Variants in CFAP54 observed in about 807,000 individuals in gnomAD.
CFAP54 encodes the protein cilia- and flagella-associated protein 54.
Under a neutral mutation model 370.4 loss-of-function variants are expected in CFAP54, and 290 were observed. The observed-to-expected ratio is 0.78, with a 90% CI of 0.71 to 0.86. The LOEUF (loss-of-function observed/expected upper bound fraction) is 0.86. Ranked by LOEUF, CFAP54 falls within the 40% of genes least tolerant of loss-of-function variation. The pLI is 0.00. For missense variants in CFAP54, 3,399 were observed against 3,528.7 expected (o/e 0.96, Z 0.93); for synonymous variants, 1,206 against 1,236.5 (o/e 0.98, Z 0.52).
At chr12:96,860,544 G>A (rs1031766775) in intron 66 of CFAP54, among the ~76,000 whole-genome samples, 1 of 152,174 alleles carries the variant, frequency 6.6e-6, no homozygotes, top group Non-Finnish European at 1.5e-5. Flanking sequence ...TTTATTAGGA[G>A]AAGGGCCAAA....
At chr12:96,607,551 T>C (rs1002023524) in intron 26 of CFAP54, among the ~76,000 whole-genome samples, 3 of 152,076 alleles carry the variant, frequency 2.0e-5, no homozygotes, top group African/African-American at 7.2e-5. Flanking sequence ...CTAGAGGTGG[T>C]AAATGAATTC....
chr12:96,535,048 GTGTGTT>G (rs1205171025), intron 11 of CFAP54, among the ~76,000 whole-genome samples: 3 of 138,726 alleles, frequency 2.2e-5, no homozygotes, highest in African/African-American at 8.3e-5. Flanking sequence ...GTGTGTGTGT[GTGTGTT>G]TATTTATTTA....
chr12:96,665,227 G>A (rs1957066276), intron 39 of CFAP54, among the ~76,000 whole-genome samples: 1 of 151,922 alleles, frequency 6.6e-6, no homozygotes, highest in South Asian at 2.1e-4. Context: ...ACCTTTGTTG[G>A]ATGCATAGTT....
intron 63 of CFAP54, among the ~76,000 whole-genome samples, chr12:96,796,182 T>A (rs1395853573): frequency 6.6e-6 from 1 of 152,214 alleles, no homozygotes; most frequent in Non-Finnish European, 1.5e-5. Context: ...AGAGGGTCAG[T>A]GGATTCTCTC....
intron 66 of CFAP54, among the ~76,000 whole-genome samples, chr12:96,834,443 A>C (rs1959179770): frequency 6.6e-6 from 1 of 152,248 alleles, no homozygotes; most frequent in Admixed American, 6.5e-5. Context: ...GGTGTGGAGC[A>C]GCAAGGATTG....
At chr12:96,528,692 CA>C (rs1163393656) in intron 9 of CFAP54, among the ~76,000 whole-genome samples, 1 of 152,106 alleles carries the variant, frequency 6.6e-6, no homozygotes, top group Non-Finnish European at 1.5e-5. Flanking sequence ...TCAATTTCAC[CA>C]GGGGTCCACC....
At chr12:96,530,228 GC>G (rs1955427176) in intron 9 of CFAP54, among the ~76,000 whole-genome samples, 1 of 152,200 alleles carries the variant, frequency 6.6e-6, no homozygotes, top group African/African-American at 2.4e-5. Flanking sequence ...CATGGCTCAT[GC>G]CTGTAACCCC....
intron 67 of CFAP54, among the ~76,000 whole-genome samples, chr12:96,873,795 T>C (rs1334267136): frequency 2.0e-5 from 3 of 152,170 alleles, no homozygotes; most frequent in Admixed American, 2.0e-4. Context: ...CCATGAAATA[T>C]TATTATTTGT....
intron 50 of CFAP54, among the ~76,000 whole-genome samples, chr12:96,733,136 A>C (rs1440319172): frequency 2.0e-5 from 3 of 152,250 alleles, no homozygotes; most frequent in African/African-American, 7.2e-5. Flanking sequence ...CCTATTTTAA[A>C]TACACGAACC....
chr12:96,756,002 G>A (rs1412796001), intron 56 of CFAP54, among the ~76,000 whole-genome samples: 1 of 152,126 alleles, frequency 6.6e-6, no homozygotes, highest in Non-Finnish European at 1.5e-5. Flanking sequence ...CTGTCGAAGG[G>A]TACTTAGATT....
At chr12:96,563,882 T>C (rs2136410165) in intron 17 of CFAP54, among the ~76,000 whole-genome samples, 1 of 152,324 alleles carries the variant, frequency 6.6e-6, no homozygotes, top group East Asian at 1.9e-4. Flanking sequence ...TATCCTTTTT[T>C]CCCCTCATCC....
At chr12:96,636,242 C>A (rs1956663343) in intron 32 of CFAP54, among the ~76,000 whole-genome samples, 1 of 152,156 alleles carries the variant, frequency 6.6e-6, no homozygotes, top group Non-Finnish European at 1.5e-5. Context: ...TTTTATTATA[C>A]CACACCATCC....
chr12:96,658,141 A>C, intron 37 of CFAP54, 36 bp downstream of exon 37: 2 of 1,571,870 alleles, frequency 1.3e-6, no homozygotes, highest in East Asian at 2.2e-5. Flanking sequence ...AAAGTAGAAG[A>C]CTTCATTGAA....
At chr12:96,611,760 T>C (rs767711192) in intron 26 of CFAP54, among the ~76,000 whole-genome samples, 1 of 152,188 alleles carries the variant, frequency 6.6e-6, no homozygotes, top group Non-Finnish European at 1.5e-5. Context: ...AGTAGTCGAT[T>C]TGATCAACTG....
chr12:96,605,043 C>T (rs897841156), intron 26 of CFAP54, among the ~76,000 whole-genome samples: 29 of 152,218 alleles, frequency 1.9e-4, no homozygotes, highest in African/African-American at 7.0e-4. Flanking sequence ...ATGCAGCAAT[C>T]ACCTGTCATC....
chr12:96,640,891 G>A (rs1422843308), intron 32 of CFAP54, among the ~76,000 whole-genome samples: 2 of 151,928 alleles, frequency 1.3e-5, no homozygotes, highest in Non-Finnish European at 2.9e-5. Context: ...AGCTGAAACT[G>A]GATCCCTTCC....
intron 26 of CFAP54, among the ~76,000 whole-genome samples, 169 bp from the exon 27 acceptor site, chr12:96,621,421 C>G (rs115740025): frequency 6.6e-6 from 1 of 151,036 alleles, no homozygotes; most frequent in Non-Finnish European, 1.5e-5. Context: ...TAGTTGCACT[C>G]AATGTGTTAA....
At chr12:96,844,953 T>A (rs1257671039) in intron 66 of CFAP54, among the ~76,000 whole-genome samples, 1 of 152,212 alleles carries the variant, frequency 6.6e-6, no homozygotes. Flanking sequence ...TTTGGAAGTG[T>A]TATGGAAAGT....
intron 42 of CFAP54, among the ~76,000 whole-genome samples, chr12:96,686,476 G>A (rs1957331390): frequency 6.6e-6 from 1 of 152,196 alleles, no homozygotes; most frequent in Admixed American, 6.6e-5. Flanking sequence ...GCTCTACAGA[G>A]AGCATGGTAC....
Sources: allele counts gnomAD v4.1 joint callset (sites outside exome capture counted in the v4.1 genomes callset), GRCh38; gene constraint gnomAD v4.1.1; transcripts MANE v1.5; gene names NCBI Gene and HGNC (gene_info 2026-07-23, HGNC 2026-07-21).